PVT1: variants seen among roughly 807,000 people sequenced by gnomAD.
PVT1 encodes Pvt1 oncogene.
Position 127,821,738 on chromosome 8 carries a change from G to A in PVT1, n.372+25667G>A, listed in dbSNP as rs939578173. On this transcript the variant is annotated intron_variant and non_coding_transcript_variant, in intron 2 of 10. Coordinates refer to ENST00000651587, the Ensembl canonical transcript of PVT1. ...GAGGCAGGAGAATGGCGTGAATCCG[G>A]GAGGCGGAGCTTGCAGTGAGCTGAG... Among the ~76,000 whole-genome samples the A allele has an allele frequency of 6.6e-5, 10 of 152,202 alleles. No homozygotes were observed. In the East Asian group the frequency reaches 1.5e-3, roughly 23 times the overall value.
intron 2 of PVT1, among the ~76,000 whole-genome samples, chr8:127,860,821 C>T (rs1815218770): frequency 1.3e-5 from 2 of 151,582 alleles, no homozygotes; most frequent in South Asian, 4.2e-4. Flanking sequence ...CTTTCTGTCT[C>T]CTGTGGAGTT....
At chr8:127,909,182 CTT>C (rs1352048255) in intron 3 of PVT1, among the ~76,000 whole-genome samples, 1 of 152,212 alleles carries the variant, frequency 6.6e-6, no homozygotes, top group Non-Finnish European at 1.5e-5. Flanking sequence ...TTGAAAGAGA[CTT>C]TTAAAAATTA....
intron 3 of PVT1, among the ~76,000 whole-genome samples, chr8:127,938,198 T>C (rs1816303049): frequency 6.6e-6 from 1 of 152,218 alleles, no homozygotes; most frequent in Admixed American, 6.5e-5. Context: ...CCAGCCCTGC[T>C]TTTATCAGCG....
intron 2 of PVT1, among the ~76,000 whole-genome samples, chr8:127,831,731 C>G (rs1452811588): frequency 6.6e-6 from 1 of 152,126 alleles, no homozygotes; most frequent in Non-Finnish European, 1.5e-5. Context: ...TCATCACTTG[C>G]AATGTTGCTA....
At chr8:128,054,672 A>G (rs1254368108) in intron 4 of PVT1, among the ~76,000 whole-genome samples, 3 of 151,614 alleles carry the variant, frequency 2.0e-5, no homozygotes. Context: ...TCCATGTTTA[A>G]TCTGACAGAT....
intron 4 of PVT1, among the ~76,000 whole-genome samples, chr8:128,016,758 C>T (rs1348229533): frequency 2.0e-5 from 3 of 152,362 alleles, no homozygotes; most frequent in Middle Eastern, 6.8e-3. Context: ...GGTGACACGA[C>T]ATGGTTATCC....
chr8:127,875,363 G>GTCTC (rs139309505), intron 2 of PVT1, among the ~76,000 whole-genome samples: 43 of 149,704 alleles, frequency 2.9e-4, no homozygotes, highest in East Asian at 7.9e-4. Context: ...CTCTGTCTCT[G>GTCTC]TCTCTCTCTC....
intron 2 of PVT1, among the ~76,000 whole-genome samples, chr8:127,864,308 G>A (rs1013143219): frequency 2.0e-5 from 3 of 152,166 alleles, no homozygotes; most frequent in Non-Finnish European, 4.4e-5. Flanking sequence ...GGCCCTGCCA[G>A]TCCCCCGCTG....
chr8:127,932,557 C>A, intron 3 of PVT1: 1 of 398,598 alleles, frequency 2.5e-6, no homozygotes, highest in Non-Finnish European at 4.4e-6. Context: ...TGAGTCCCAG[C>A]CTGCTATGGA....
intron 3 of PVT1, among the ~76,000 whole-genome samples, chr8:127,928,352 T>C (rs1200601865): frequency 1.3e-5 from 2 of 152,204 alleles, no homozygotes; most frequent in Non-Finnish European, 2.9e-5. Flanking sequence ...TTCTTGGCTG[T>C]GAATTTCCAC....
chr8:128,012,594 C>T (rs190377533), intron 4 of PVT1, among the ~76,000 whole-genome samples: 212 of 152,266 alleles, frequency 1.4e-3, no homozygotes, highest in African/African-American at 4.9e-3. Context: ...GCAAGGAGTT[C>T]TTGCAGAGTT....
chr8:128,065,327 G>T (rs939303007), intron 4 of PVT1, among the ~76,000 whole-genome samples: 1 of 152,114 alleles, frequency 6.6e-6, no homozygotes, highest in Non-Finnish European at 1.5e-5. Flanking sequence ...GAGTAGCTGG[G>T]ATTACAGGCA....
chr8:127,811,345 G>A (rs746498852), intron 2 of PVT1, among the ~76,000 whole-genome samples: 16 of 152,174 alleles, frequency 1.1e-4, no homozygotes, highest in Non-Finnish European at 2.1e-4. Flanking sequence ...CCTGTGGGCC[G>A]TATGTGGCCC....
chr8:127,863,750 AG>A (rs1041283558), intron 2 of PVT1, among the ~76,000 whole-genome samples: 8 of 152,152 alleles, frequency 5.3e-5, no homozygotes, highest in African/African-American at 1.9e-4. Flanking sequence ...CAAAGCCCAG[AG>A]GGGTAGAATG....
intron 2 of PVT1, among the ~76,000 whole-genome samples, chr8:127,852,652 G>A (rs942507571): frequency 1.3e-5 from 2 of 152,158 alleles, no homozygotes; most frequent in Non-Finnish European, 2.9e-5. Context: ...TTGCTATCAG[G>A]ATTAAGGCAG....
intron 2 of PVT1, among the ~76,000 whole-genome samples, chr8:127,832,606 C>G (rs755044990): frequency 6.6e-6 from 1 of 152,196 alleles, no homozygotes; most frequent in Non-Finnish European, 1.5e-5. Flanking sequence ...CGCCTGTAAT[C>G]CCAGCACTTT....
chr8:127,856,865 G>T (rs1396760984), intron 2 of PVT1, among the ~76,000 whole-genome samples: 1 of 152,232 alleles, frequency 6.6e-6, no homozygotes, highest in Non-Finnish European at 1.5e-5. Flanking sequence ...TATGCCTGGG[G>T]TGAGGAGGGA....
At chr8:128,025,107 G>A (rs11985016) in intron 4 of PVT1, among the ~76,000 whole-genome samples, 70,718 of 152,116 alleles carry the variant, frequency 0.46, 17,416 homozygotes, top group African/African-American at 0.61. Flanking sequence ...CAGCTCAGAG[G>A]GTGGGAGCGG....
intron 3 of PVT1, among the ~76,000 whole-genome samples, chr8:127,961,179 G>A (rs1358406446): frequency 2.0e-5 from 3 of 152,164 alleles, no homozygotes; most frequent in Admixed American, 2.0e-4. Context: ...TGCTGAGGGC[G>A]ATGGTCTCAT....
Sources: allele counts gnomAD v4.1 joint callset (sites outside exome capture counted in the v4.1 genomes callset), GRCh38; gene constraint gnomAD v4.1.1; transcripts MANE v1.5; gene names NCBI Gene and HGNC (gene_info 2026-07-23, HGNC 2026-07-21).